The following ZNF664 variants were observed in gnomAD, a reference collection of about 807,000 sequenced individuals.
The protein encoded by ZNF664 is zinc finger Organ of Corti 1.
In ZNF664, 10 loss-of-function variants were observed where a neutral mutation model predicts 18.2. That is an observed-to-expected ratio of 0.55 (90% CI 0.34 to 0.93). ZNF664 has a LOEUF of 0.93. Among genes scored for constraint, ZNF664 ranks in the 40% least tolerant of loss-of-function variants. The probability of loss-of-function intolerance (pLI) is 0.02; values close to 1 mark genes in which losing one functional copy is unlikely to be tolerated. For missense variants in ZNF664, 193 were observed against 319.0 expected, an observed-to-expected ratio of 0.61 and a Z score of 3.01; for synonymous variants, 119 against 104.2, an observed-to-expected ratio of 1.14 and a Z score of -0.86.
intron 3 of ZNF664, among the ~76,000 whole-genome samples, chr12:123,994,546 T>C (rs1956925357): frequency 6.6e-6 from 1 of 152,198 alleles, no homozygotes; most frequent in African/African-American, 2.4e-5. Flanking sequence ...GACATCTGCT[T>C]CTATATTCAG....
chr12:123,982,000 T>C (rs549181560), intron 2 of ZNF664, among the ~76,000 whole-genome samples: 4 of 152,222 alleles, frequency 2.6e-5, no homozygotes, highest in Non-Finnish European at 5.9e-5. Flanking sequence ...TTGGGGTTCA[T>C]TGGGTAGACT....
intron 3 of ZNF664, chr12:124,005,980 C>G (rs1440503885): frequency 6.6e-6 from 1 of 152,476 alleles, no homozygotes; most frequent in Non-Finnish European, 1.5e-5. Context: ...CGCAGAGCAA[C>G]ACAGACGAGG....
At position 124,014,649 on chromosome 12, in the gene ZNF664, A is replaced by G. The variant is rs906841384; in HGVS notation, c.*1719A>G. The G allele has an allele frequency of 6.0e-6, 1 of 167,094 alleles. No homozygotes were observed. Among genetic ancestry groups the G allele is most frequent in the East Asian group, 1.9e-4 (1 of 5,206 alleles). 10.4% of individuals were successfully genotyped at this position (167,094 alleles called of 1,614,324 possible). Reference sequence around the variant, plus strand: ...GGTTAGTGGTGTCTGTCAGCTGTCTAAGAGGTTGGAAAATGAACTACTCAA... The same window carrying G: ...GGTTAGTGGTGTCTGTCAGCTGTCTGAGAGGTTGGAAAATGAACTACTCAA... On this transcript the variant is annotated 3_prime_UTR_variant, in exon 5 of 5. Transcript: ENST00000337815.
chr12:123,974,285 G>C lies in ZNF664; in HGVS notation c.-757+265G>C, dbSNP rs1036580310. 3 of 365,504 alleles carry C rather than the reference G, an allele frequency of 8.2e-6. No individual in the cohort carries two copies. In the Admixed American group the frequency reaches 1.4e-4, roughly 17 times the overall value. The allele number at this position is 365,504 out of a possible 1,614,324, so 22.6% of individuals were successfully genotyped here. On this transcript the variant is annotated intron_variant, in intron 2 of 4. Coordinates refer to ENST00000337815, the MANE Select transcript of ZNF664 (RefSeq NM_152437.3). ...CCGGGAGCCTGCTCCGAACTGAACTGTTCTGGTTGCTAGATTGCTTACGGG... is the reference window on the plus strand; with the variant it reads ...CCGGGAGCCTGCTCCGAACTGAACTCTTCTGGTTGCTAGATTGCTTACGGG...
intron 3 of ZNF664, among the ~76,000 whole-genome samples, chr12:124,008,401 C>T (rs1430856437): frequency 6.6e-6 from 1 of 152,170 alleles, no homozygotes; most frequent in Non-Finnish European, 1.5e-5. Context: ...TAAGATCGAT[C>T]CCTGGCTTCA....
At chr12:123,988,339 C>T (rs1956848542) in intron 3 of ZNF664, among the ~76,000 whole-genome samples, 1 of 152,234 alleles carries the variant, frequency 6.6e-6, no homozygotes, top group Non-Finnish European at 1.5e-5. Flanking sequence ...CTTCCTTACT[C>T]TAAAGATGTC....
chr12:123,989,578 T>C (rs1455846087), intron 3 of ZNF664: 1 of 152,236 alleles, frequency 6.6e-6, no homozygotes, highest in African/African-American at 2.4e-5. Flanking sequence ...TATGGAATGC[T>C]GCATTGGAAA....
At chr12:123,977,142 G>A (rs1956702864) in intron 2 of ZNF664, among the ~76,000 whole-genome samples, 1 of 152,088 alleles carries the variant, frequency 6.6e-6, no homozygotes, top group Admixed American at 6.6e-5. Context: ...ATAAATAAAA[G>A]CAATAAAAAG....
At position 123,980,714 on chromosome 12, in the gene ZNF664, A is replaced by G. The variant is rs924890885; in HGVS notation, c.-757+6694A>G. Among the ~76,000 whole-genome samples the G allele has an allele frequency of 2.1e-4, 32 of 152,234 alleles. 1 individual carries two copies. The highest frequency in any genetic ancestry group is 3.2e-3 in the Middle Eastern group (1 of 316). The stretch of plus-strand genomic sequence containing the variant: ...ATGAAAACGCCCCAAAAAAAGTCCC[A>G]GCAGCCTTCCAGTAAAACCTATGAA... On this transcript the variant is annotated intron_variant, in intron 2 of 4. Coordinates refer to ENST00000337815, the MANE Select transcript of ZNF664 (RefSeq NM_152437.3).
In ZNF664 at chr12:124,012,758, G is replaced by A; in HGVS notation, c.614G>A (p.Gly205Glu). The change falls in exon 5 of 5, where the codon GGG (glycine) becomes GAG (glutamate). Residue 205 changes from glycine (G) to glutamate (E), a missense_variant. Coordinates refer to ENST00000337815, the MANE Select transcript of ZNF664 (RefSeq NM_152437.3). ...AAACCCTATAGATGTTGTGGATGTG[G>A]GAAGGCCTTCAGTCAGAGTTCGAGC... ...GEKPYRCCGC[G>E]KAFSQSSSLC... 6.2e-7 allele frequency: 1 copy of A among 1,612,638 alleles called. No individual in the cohort carries two copies. The highest frequency in any genetic ancestry group is 1.7e-5 in the Admixed American group (1 of 59,926).
At position 124,012,851 on chromosome 12, in the gene ZNF664, T is replaced by G. The variant is rs980126641; in HGVS notation, c.707T>G (p.Phe236Cys). The G allele has an allele frequency of 2.5e-6, 4 of 1,614,038 alleles. No homozygotes were observed. The highest frequency in any genetic ancestry group is 1.7e-5 in the Admixed American group (1 of 60,006). Residue 236 changes from phenylalanine (F) to cysteine (C), a missense_variant, in exon 5 of 5, where the codon TTC becomes TGC. Transcript: ENST00000337815. ...AAATGTGATGAGTGCGGAAAGGCCT[T>G]CAGTCAGAGTACGAGCCTCTGCATC... ...PFKCDECGKA[F>C]SQSTSLCIHQ...
chr12:123,995,246 A>G (rs1956934648), intron 3 of ZNF664, among the ~76,000 whole-genome samples: 1 of 152,260 alleles, frequency 6.6e-6, no homozygotes, highest in African/African-American at 2.4e-5. Context: ...GCTTTAAAAA[A>G]AATAGTTTAC....
At chr12:123,990,415 C>CTTTTTTTTTTTTTTTTTTTTTTTTTT (rs1566199633) in intron 3 of ZNF664, among the ~76,000 whole-genome samples, 1 of 152,138 alleles carries the variant, frequency 6.6e-6, no homozygotes, top group African/African-American at 2.4e-5. Context: ...ACCCACTTTT[C>CTTTTTTTTTTTTTTTTTTTTTTTTTT]ATTTTACCTG....
At chr12:123,983,618 A>G (rs1956791972) in intron 2 of ZNF664, among the ~76,000 whole-genome samples, 1 of 152,214 alleles carries the variant, frequency 6.6e-6, no homozygotes, top group Admixed American at 6.5e-5. Context: ...TAACAATACA[A>G]CAGTTCATAG....
chr12:123,991,525 A>T (rs1956889026), intron 3 of ZNF664, among the ~76,000 whole-genome samples: 1 of 152,248 alleles, frequency 6.6e-6, no homozygotes, highest in East Asian at 1.9e-4. Flanking sequence ...TCATGCACTA[A>T]TTAAAATAAA....
chr12:123,973,618 G>A (rs1054096776), intron 1 of ZNF664: 7 of 445,982 alleles, frequency 1.6e-5, no homozygotes, highest in Admixed American at 1.2e-4. Flanking sequence ...GGGCCGGGGG[G>A]CGCAGATGGC....
At chr12:123,973,738 G>T (rs1956633795) in intron 1 of ZNF664, 148 bp from the exon 2 acceptor site, 2 of 1,207,960 alleles carry the variant, frequency 1.7e-6, no homozygotes, top group Non-Finnish European at 2.1e-6. Context: ...AGGGAAGGGG[G>T]AGCGCTGCCG....
intron 2 of ZNF664, 149 bp downstream of exon 2, chr12:123,974,169 A>G (rs1956649165): frequency 2.0e-6 from 1 of 490,596 alleles, no homozygotes; most frequent in Non-Finnish European, 3.2e-6. Context: ...TCCCGTCCGG[A>G]TCCATCTCTC....
In ZNF664 at chr12:123,988,561, G is replaced by A. The variant is rs148830394; in HGVS notation, c.-661+423G>A. The stretch of plus-strand genomic sequence containing the variant: ...AGCTATCAAAACTTTTTAAAAGCTC[G>A]GTTGCTTTGTAAATTTCTGGTGTTT... On this transcript the variant is annotated intron_variant, in intron 3 of 4. Transcript: ENST00000337815. Among the ~76,000 whole-genome samples, 1,119 of 151,768 alleles carry A rather than the reference G, an allele frequency of 7.4e-3. 19 individuals carry two copies. Among genetic ancestry groups the A allele is most frequent in the Non-Finnish European group, 9.8e-3 (666 of 67,948 alleles).
Sources: gnomAD v4.1 joint callset for allele counts (sites outside exome capture counted in the v4.1 genomes callset) on GRCh38, gnomAD v4.1.1 for gene constraint, MANE v1.5 for transcripts, NCBI Gene and HGNC (gene_info 2026-07-23, HGNC 2026-07-21) for gene names.